The following TMEFF1 variants were observed in gnomAD, a reference collection of about 807,000 sequenced individuals.
The protein encoded by TMEFF1 is transmembrane protein with EGF like and two follistatin like domains 1, also known as tomoregulin-1.
Under a neutral mutation model 47.5 loss-of-function variants are expected in TMEFF1, and 20 were observed. The observed-to-expected ratio is 0.42, with a 90% confidence interval of 0.30 to 0.61. The LOEUF is 0.61. TMEFF1 is among the 20% of genes least tolerant of loss of function. The probability of loss-of-function intolerance (pLI) is 0.19; values close to 1 mark genes in which losing one functional copy is unlikely to be tolerated. For missense variants in TMEFF1, 411 were observed against 471.1 expected, an observed-to-expected ratio of 0.87 and a Z score of 1.18; for synonymous variants, 162 against 166.3, an observed-to-expected ratio of 0.97 and a Z score of 0.20.
intron 1 of TMEFF1, among the ~76,000 whole-genome samples, chr9:100,482,412 G>T (rs1319444240): frequency 6.6e-6 from 1 of 150,890 alleles, no homozygotes; most frequent in Non-Finnish European, 1.5e-5. Context: ...TGGCCAGGCT[G>T]GTCTTGAACT....
intron 8 of TMEFF1, among the ~76,000 whole-genome samples, chr9:100,568,061 C>G (rs918242569): frequency 6.6e-6 from 1 of 152,178 alleles, no homozygotes. Context: ...CCACTGGGTT[C>G]CTCCCACGAC....
intron 9 of TMEFF1, among the ~76,000 whole-genome samples, chr9:100,575,635 C>G (rs1332126879): frequency 1.3e-5 from 2 of 152,154 alleles, no homozygotes; most frequent in Non-Finnish European, 2.9e-5. Flanking sequence ...ATGAGGAGTA[C>G]TCATTGTTAT....
intron 8 of TMEFF1, among the ~76,000 whole-genome samples, chr9:100,563,437 A>G (rs374287611): frequency 6.6e-6 from 1 of 152,212 alleles, no homozygotes; most frequent in East Asian, 1.9e-4. Flanking sequence ...ATTTTCTAGT[A>G]TTTTACTAAC....
chr9:100,530,558 G>A (rs986555018), intron 5 of TMEFF1, among the ~76,000 whole-genome samples: 1 of 152,142 alleles, frequency 6.6e-6, no homozygotes, highest in South Asian at 2.1e-4. Context: ...TCTCTGAATA[G>A]ACCAATAACA....
chr9:100,568,611 C>T (rs1839171175), intron 8 of TMEFF1, among the ~76,000 whole-genome samples: 1 of 151,252 alleles, frequency 6.6e-6, no homozygotes, highest in Non-Finnish European at 1.5e-5. Flanking sequence ...TTCCTTCCTT[C>T]TCCATTGGTG....
chr9:100,517,395 A>C (rs892253485), intron 5 of TMEFF1, among the ~76,000 whole-genome samples: 1 of 152,080 alleles, frequency 6.6e-6, no homozygotes, highest in Non-Finnish European at 1.5e-5. Flanking sequence ...TTTCCATAAG[A>C]TATTTGTGCT....
chr9:100,552,335 C>T (rs1564025867), intron 7 of TMEFF1, among the ~76,000 whole-genome samples: 1 of 152,140 alleles, frequency 6.6e-6, no homozygotes, highest in Non-Finnish European at 1.5e-5. Context: ...AAGGAATAGA[C>T]ATCTTAGATA....
At chr9:100,558,430 A>G (rs1838956457) in intron 7 of TMEFF1, among the ~76,000 whole-genome samples, 1 of 151,930 alleles carries the variant, frequency 6.6e-6, no homozygotes, top group Non-Finnish European at 1.5e-5. Context: ...GTAGAGTGGC[A>G]TTTTTAGTTT....
chr9:100,549,361 TC>T (rs2118514178), intron 6 of TMEFF1, among the ~76,000 whole-genome samples: 1 of 152,274 alleles, frequency 6.6e-6, no homozygotes, highest in East Asian at 1.9e-4. Context: ...CCCCCCATGA[TC>T]CAGTCACCTT....
At chr9:100,504,952 A>G (rs1837828596) in intron 2 of TMEFF1, among the ~76,000 whole-genome samples, 1 of 152,338 alleles carries the variant, frequency 6.6e-6, no homozygotes, top group Admixed American at 6.5e-5. Flanking sequence ...ACATAAACAC[A>G]TGATTAAAGA....
At chr9:100,536,012 A>G (rs1013336860) in intron 5 of TMEFF1, among the ~76,000 whole-genome samples, 8 of 152,178 alleles carry the variant, frequency 5.3e-5, no homozygotes, top group Non-Finnish European at 8.8e-5. Context: ...TAATATAGTA[A>G]TTTGGAATTT....
chr9:100,473,590 C>T lies in TMEFF1; in HGVS notation c.46C>T (p.Pro16Ser), dbSNP rs747204802. The T allele has an allele frequency of 2.6e-6, 4 of 1,550,384 alleles. No individual in the cohort carries two copies. Among genetic ancestry groups the T allele is most frequent in the Non-Finnish European group, 1.7e-6 (2 of 1,149,814 alleles). Residue 16 changes from proline to serine, a missense_variant, in exon 1 of 10, where the codon CCT becomes TCT. Coordinates refer to ENST00000374879, the MANE Select transcript of TMEFF1 (RefSeq NM_003692.5). The surrounding 1 kb of genome is among the most constrained non-coding windows in gnomAD (Gnocchi z 5.4). ...GGCGCCGCTCCGGCTGCCTGCCGCGCCTCCGCTCGCCTTCTGCTGCTACAC... is the reference window on the plus strand; with the variant it reads ...GGCGCCGCTCCGGCTGCCTGCCGCGTCTCCGCTCGCCTTCTGCTGCTACAC... ...AEAPLRLPAA[P>S]PLAFCCYTSV... is the part of the protein sequence containing the mutation.
At chr9:100,515,302 A>G (rs2118382815) in intron 4 of TMEFF1, among the ~76,000 whole-genome samples, 1 of 152,176 alleles carries the variant, frequency 6.6e-6, no homozygotes, top group Non-Finnish European at 1.5e-5. Flanking sequence ...GTATTTCTGA[A>G]TATTATGATG....
intron 3 of TMEFF1, among the ~76,000 whole-genome samples, chr9:100,511,115 T>C (rs1429544310): frequency 1.3e-5 from 2 of 152,122 alleles, no homozygotes; most frequent in Non-Finnish European, 2.9e-5. Context: ...CTTGGAGAAA[T>C]TATTATGTTT....
rs1288519569 is a variant in TMEFF1 at position 100,509,113 on chromosome 9, G to A, written c.415G>A (p.Ala139Thr). ...CKHQKEITVI[A>T]RGPCYSDNGS... Reference sequence around the variant, plus strand: ...GCACCAGAAAGAGATAACAGTAATAGCAAGAGGACCATGCTACTCTGGTAT... The same window carrying A: ...GCACCAGAAAGAGATAACAGTAATAACAAGAGGACCATGCTACTCTGGTAT... The change falls in exon 3 of 10, where the codon GCA (alanine) becomes ACA (threonine). Residue 139 changes from alanine to threonine, a missense_variant. Transcript: ENST00000374879. The A allele has an allele frequency of 6.3e-7, 1 of 1,579,726 alleles. No homozygotes were observed.
intron 8 of TMEFF1, 120 bp from the exon 9 acceptor site, chr9:100,572,398 A>G (rs1487396632): frequency 8.8e-7 from 1 of 1,136,364 alleles, no homozygotes; most frequent in African/African-American, 1.6e-5. Context: ...GATGGTAGGA[A>G]AGTGCATGAT....
intron 5 of TMEFF1, among the ~76,000 whole-genome samples, chr9:100,527,404 A>T (rs1838283068): frequency 1.3e-5 from 2 of 152,240 alleles, no homozygotes; most frequent in African/African-American, 4.8e-5. Flanking sequence ...GAGCCGAAGC[A>T]GGGCGAGGCA....
intron 1 of TMEFF1, among the ~76,000 whole-genome samples, chr9:100,485,701 A>G (rs887837845): frequency 2.5e-5 from 3 of 118,454 alleles, no homozygotes; most frequent in African/African-American, 9.0e-5. Flanking sequence ...ACATTGTCTT[A>G]ACTTAACTAT....
rs543184068 is a variant in TMEFF1 at position 100,529,951 on chromosome 9, G to A, written c.560+13180G>A. ...AGGATTAAGAATCTCACTCAAAACC[G>A]ATCAACTACATGGAAACTGAACAAC... On this transcript the variant is annotated intron_variant, in intron 5 of 9. Coordinates refer to ENST00000374879, the MANE Select transcript of TMEFF1 (RefSeq NM_003692.5). Among the ~76,000 whole-genome samples, 38 of 152,126 alleles carry A rather than the reference G, an allele frequency of 2.5e-4. No individual in the cohort carries two copies. In the East Asian group the frequency reaches 6.0e-3, roughly 24 times the overall value.
Sources: allele counts gnomAD v4.1 joint callset (sites outside exome capture counted in the v4.1 genomes callset), GRCh38; gene constraint gnomAD v4.1.1; non-coding constraint Gnocchi (gnomAD v3.1); transcripts MANE v1.5; gene names NCBI Gene and HGNC (gene_info 2026-07-23, HGNC 2026-07-21).